The following FAM216A variants were observed in gnomAD, a reference collection of about 807,000 sequenced individuals.
The protein encoded by FAM216A is protein FAM216A.
A neutral mutation model predicts 37.6 loss-of-function variants in FAM216A; 26 were observed. The observed-to-expected ratio is 0.69, with a 90% CI of 0.51 to 0.96. FAM216A has a LOEUF of 0.96. Among genes scored for constraint, FAM216A ranks in the 40% least tolerant of loss-of-function variants. FAM216A has a pLI of 0.00. For synonymous variants in FAM216A, 110 were observed against 121.7 expected (o/e 0.90, Z 0.64); for missense variants, 326 against 339.3 (o/e 0.96, Z 0.31).
rs948633565 is a variant in FAM216A at position 110,469,200 on chromosome 12, T to G, written c.143+182T>G. The G allele has an allele frequency of 7.6e-6, 5 of 654,698 alleles. No homozygotes were observed. The Admixed American group carries it at 1.3e-4, about 16-fold the overall frequency. The allele number at this position is 654,698 out of a possible 1,614,324, so 40.6% of individuals were successfully genotyped here. ...GTGGACAGAGGGCAGAGGGGAGGAC[T>G]GCCTCGCGGTTGAGGGAGGGTCTCT... On this transcript the variant is annotated intron_variant, in intron 1 of 6. Coordinates refer to ENST00000377673, the MANE Select transcript of FAM216A (RefSeq NM_013300.3).
chr12:110,469,594 C>G (rs1319943351), intron 1 of FAM216A, among the ~76,000 whole-genome samples: 1 of 152,064 alleles, frequency 6.6e-6, no homozygotes, highest in African/African-American at 2.4e-5. Flanking sequence ...ACTGCAACCT[C>G]AGCCTCCCAG....
chr12:110,469,259 G>A (rs2135536525), intron 1 of FAM216A: 1 of 435,766 alleles, frequency 2.3e-6, no homozygotes, highest in Non-Finnish European at 4.0e-6. Flanking sequence ...TGGTGCAGTG[G>A]CCACGAGGTG....
chr12:110,485,860 T>G (rs2062773930), intron 3 of FAM216A, among the ~76,000 whole-genome samples: 1 of 152,214 alleles, frequency 6.6e-6, no homozygotes, highest in South Asian at 2.1e-4. Flanking sequence ...CAAAATTACT[T>G]AGAGACTAAC....
chr12:110,473,157 A>C, intron 2 of FAM216A, 39 bp downstream of exon 2: 1 of 1,220,850 alleles, frequency 8.2e-7, no homozygotes, highest in Non-Finnish European at 1.2e-6. Flanking sequence ...CTTATAAGTA[A>C]CATGGTTCTG....
chr12:110,476,672 C>A lies in FAM216A; in HGVS notation c.184+3554C>A, dbSNP rs1035574699. On this transcript the variant is annotated intron_variant, in intron 2 of 6. Transcript: ENST00000377673. ...CCTCTCGAGTAGCTGGGATTATAGG[C>A]ACATGCCACCATGCCTGGCTAATTT... 3.3e-5 allele frequency among the ~76,000 whole-genome samples: 5 copies of A among 151,920 alleles called. No individual in the cohort carries two copies. In the East Asian group the frequency reaches 7.7e-4, roughly 23 times the overall value.
chr12:110,489,217 G>T (rs536921501), intron 6 of FAM216A, among the ~76,000 whole-genome samples: 7 of 152,178 alleles, frequency 4.6e-5, no homozygotes, highest in African/African-American at 1.4e-4. Flanking sequence ...AAGAAGTAGG[G>T]AAGTTGGCCA....
chr12:110,471,842 TTTGTC>T (rs1419784039), intron 1 of FAM216A, among the ~76,000 whole-genome samples: 1 of 152,208 alleles, frequency 6.6e-6, no homozygotes, highest in Non-Finnish European at 1.5e-5. Flanking sequence ...GATCAGTTGT[TTTGTC>T]TTAAGTTTAG....
At chr12:110,484,207 C>T (rs746016047) in intron 2 of FAM216A, among the ~76,000 whole-genome samples, 2 of 151,988 alleles carry the variant, frequency 1.3e-5, no homozygotes, top group Non-Finnish European at 2.9e-5. Context: ...GGCGGAGGAT[C>T]ATGAGGTCAG....
At chr12:110,468,492 G>A, upstream of FAM216A, 1 of 1,537,246 alleles carries the variant, frequency 6.5e-7, no homozygotes. Context: ...ACGGACAACA[G>A]ATAAAGCTCC....
chr12:110,479,930 A>G (rs2062736528), intron 2 of FAM216A, among the ~76,000 whole-genome samples: 2 of 151,070 alleles, frequency 1.3e-5, no homozygotes, highest in Admixed American at 1.3e-4. Context: ...TTTTTGTTTG[A>G]GGGCATATAG....
At chr12:110,486,172 T>C in intron 3 of FAM216A, 153 bp from the exon 4 acceptor site, 1 of 757,224 alleles carries the variant, frequency 1.3e-6, no homozygotes, top group Non-Finnish European at 2.0e-6. Flanking sequence ...TAATTGGCCA[T>C]TTCTTTCTCT....
At chr12:110,478,192 A>G (rs983593046) in intron 2 of FAM216A, among the ~76,000 whole-genome samples, 1 of 152,176 alleles carries the variant, frequency 6.6e-6, no homozygotes, top group Non-Finnish European at 1.5e-5. Flanking sequence ...TTGATGCTCA[A>G]ATTATCCCAG....
intron 6 of FAM216A, among the ~76,000 whole-genome samples, chr12:110,488,833 T>C (rs906007923): frequency 2.0e-5 from 3 of 152,166 alleles, no homozygotes. Flanking sequence ...CAATAAATAA[T>C]AGAACAATTT....
In FAM216A at chr12:110,485,511, C is replaced by A. The variant is rs377189568; in HGVS notation, c.306+312C>A. On this transcript the variant is annotated intron_variant, in intron 3 of 6. Coordinates refer to ENST00000377673, the MANE Select transcript of FAM216A (RefSeq NM_013300.3). ...TCCATCTTTTCTTGAAAATAGAAAC[C>A]CAACTTCACACATATTTTACTCAAG... 9.9e-5 allele frequency among the ~76,000 whole-genome samples: 15 copies of A among 150,930 alleles called. No homozygotes were observed. The East Asian group carries it at 2.3e-3, about 24-fold the overall frequency.
rs1390371470 is a variant in FAM216A at position 110,468,919 on chromosome 12, C to T, written c.44C>T (p.Ala15Val). 6.6e-7 allele frequency: 1 copy of T among 1,523,208 alleles called. No individual in the cohort carries two copies. Among genetic ancestry groups the T allele is most frequent in the East Asian group, 2.5e-5 (1 of 40,504 alleles). 94.4% of individuals were successfully genotyped at this position (1,523,208 alleles called of 1,614,324 possible). A position where few individuals can be genotyped will look rare whatever the true frequency, so the allele number is the denominator to read the frequency against. ...LLPHTARGLG[A>V]AEMPGQGPGS... ...CCGCACACGGCTCGCGGTCTCGGCG[C>T]CGCGGAGATGCCCGGCCAGGGTCCG... Residue 15 changes from alanine (A) to valine (V), a missense_variant, in exon 1 of 7, where the codon GCC becomes GTC. Transcript: ENST00000377673.
In FAM216A at chr12:110,490,272, A is replaced by G. The variant is rs979295866; in HGVS notation, c.*135A>G. The G allele has an allele frequency of 2.1e-5, 15 of 701,048 alleles. No homozygotes were observed. The highest frequency in any genetic ancestry group is 2.1e-4 in the Admixed American group (9 of 43,688). 43.4% of individuals were successfully genotyped at this position (701,048 alleles called of 1,614,324 possible). A position where few individuals can be genotyped will look rare whatever the true frequency, so the allele number is the denominator to read the frequency against. ...TTGGTTTGTTCAGAAACTTAAAACA[A>G]TGTAATTGGTCTGATGTAGTTCCAT... On this transcript the variant is annotated 3_prime_UTR_variant, in exon 7 of 7. Transcript: ENST00000377673.
intron 6 of FAM216A, among the ~76,000 whole-genome samples, chr12:110,489,420 C>A (rs769462894): frequency 4.9e-4 from 74 of 151,070 alleles, no homozygotes; most frequent in Non-Finnish European, 1.5e-4. Context: ...AGGAGAATGG[C>A]GTGAACCTGG....
At chr12:110,472,482 C>T (rs983193793) in intron 1 of FAM216A, among the ~76,000 whole-genome samples, 1 of 151,724 alleles carries the variant, frequency 6.6e-6, no homozygotes, top group Non-Finnish European at 1.5e-5. Flanking sequence ...TCGTTTGAGC[C>T]CAGGATTTTG....
Position 110,485,211 on chromosome 12 carries a change from G to A in FAM216A, c.306+12G>A, listed in dbSNP as rs2062770944. ...CGTCCTTTTTCAAGGTATGCTAACA[G>A]GGACATATTTAAATACCAATACTCT... On this transcript the variant is annotated intron_variant, in intron 3 of 6. Transcript: ENST00000377673. 1.3e-6 allele frequency: 2 copies of A among 1,596,634 alleles called. No homozygotes were observed. Among genetic ancestry groups the A allele is most frequent in the Non-Finnish European group, 1.7e-6 (2 of 1,174,632 alleles).
Sources: allele counts gnomAD v4.1 joint callset (sites outside exome capture counted in the v4.1 genomes callset), GRCh38; gene constraint gnomAD v4.1.1; transcripts MANE v1.5; gene names NCBI Gene and HGNC (gene_info 2026-07-23, HGNC 2026-07-21).